Variants in LPIN2 observed in about 807,000 individuals in gnomAD.
LPIN2 encodes the protein phosphatidate phosphatase LPIN2.
A neutral mutation model predicts 111.4 loss-of-function variants in LPIN2; 55 were observed. The ratio of observed to expected loss-of-function variants is 0.49; its 90% CI spans 0.40 to 0.62. The LOEUF is 0.62. Ranked by LOEUF, LPIN2 falls within the 20% of genes least tolerant of loss-of-function variation. The probability of loss-of-function intolerance (pLI) is 0.00; values close to 1 mark genes in which losing one functional copy is unlikely to be tolerated. For missense variants in LPIN2, 992 were observed against 1,112.1 expected (o/e 0.89, Z 1.54); for synonymous variants, 425 against 414.0 (o/e 1.03, Z -0.32).
Position 3,001,163 on chromosome 18 carries a change from C to T in LPIN2, c.-10+11924G>A, listed in dbSNP as rs147838184. Among the ~76,000 whole-genome samples the T allele has an allele frequency of 2.0e-5, 3 of 152,256 alleles. No homozygotes were observed. In the East Asian group the frequency reaches 5.8e-4, roughly 29 times the overall value. ...ACGTAAGCTCTCAAAGAATTTCCTC[C>T]CTGTAAACCCTTTCTCAAAAAGCTG... On this transcript the variant is annotated intron_variant, in intron 1 of 19. Transcript: ENST00000677752.
At chr18:3,002,235 C>CAAA (rs1567864429) in intron 1 of LPIN2, among the ~76,000 whole-genome samples, 2 of 33,676 alleles carry the variant, frequency 5.9e-5, no homozygotes, top group African/African-American at 1.3e-4. Context: ...CTTCAAAAGA[C>CAAA]CAAAAAAAAA....
chr18:3,012,207 C>A (rs981781158), intron 1 of LPIN2, among the ~76,000 whole-genome samples: 1 of 152,080 alleles, frequency 6.6e-6, no homozygotes, highest in Non-Finnish European at 1.5e-5. Flanking sequence ...GGGTAAGCCC[C>A]AAATGTGCAT....
At chr18:2,936,254 G>A (rs2077282975) in intron 7 of LPIN2, among the ~76,000 whole-genome samples, 1 of 152,162 alleles carries the variant, frequency 6.6e-6, no homozygotes, top group Non-Finnish European at 1.5e-5. Flanking sequence ...TATATATGAT[G>A]TTGGGTAATT....
In LPIN2 at chr18:2,925,109, C is replaced by G; in HGVS notation, c.1938+115G>C. ...CCACTGTGGATAGGCATTGACACGA[C>G]CATGCCGTGTGGCGTGTATGCAGCT... On this transcript the variant is annotated intron_variant, in intron 14 of 19. Transcript: ENST00000677752. This position sits in a 1 kb window ranked among gnomAD's most constrained non-coding sequence, Gnocchi z 4.1. 1 of 1,364,122 alleles carries G rather than the reference C, an allele frequency of 7.3e-7. No individual in the cohort carries two copies. Among genetic ancestry groups the G allele is most frequent in the South Asian group, 1.2e-5 (1 of 83,664 alleles). The allele number at this position is 1,364,122 out of a possible 1,614,324, so 84.5% of individuals were successfully genotyped here.
chr18:2,964,175 T>C (rs934724142), intron 1 of LPIN2, among the ~76,000 whole-genome samples: 1 of 141,750 alleles, frequency 7.1e-6, no homozygotes, highest in Non-Finnish European at 1.5e-5. Flanking sequence ...CCCAGCTACT[T>C]GGGAGGCTGA....
At chr18:2,964,581 G>A (rs1268020671) in intron 1 of LPIN2, among the ~76,000 whole-genome samples, 2 of 151,594 alleles carry the variant, frequency 1.3e-5, no homozygotes, top group Non-Finnish European at 2.9e-5. Context: ...GAGCCCAATC[G>A]GCTGGCACTT....
intron 1 of LPIN2, among the ~76,000 whole-genome samples, chr18:2,984,024 C>T (rs146723134): frequency 6.6e-6 from 1 of 152,334 alleles, no homozygotes; most frequent in African/African-American, 2.4e-5. Flanking sequence ...AATATACTAG[C>T]TGATCCACAT....
chr18:2,962,176 C>T (rs917067767), intron 1 of LPIN2, among the ~76,000 whole-genome samples: 2 of 152,134 alleles, frequency 1.3e-5, no homozygotes, highest in Admixed American at 6.5e-5. Flanking sequence ...TTCCTACACG[C>T]GGATGAATGT....
Position 2,928,671 on chromosome 18 carries a change from CA to C in LPIN2, c.1551-12del. The stretch of plus-strand genomic sequence containing the variant: ...GCCCAGTTATAGTAACTGTGAGAAA[CA>C]AAAATTGTGCAAAACCATTACACAG... On this transcript the variant is annotated splice_polypyrimidine_tract_variant and intron_variant, in intron 10 of 19. Transcript: ENST00000677752. 1 of 1,574,486 alleles carries C rather than the reference CA, an allele frequency of 6.4e-7. No homozygotes were observed. Among genetic ancestry groups the C allele is most frequent in the Non-Finnish European group, 8.7e-7 (1 of 1,154,540 alleles).
chr18:2,955,275 A>C (rs763612972), intron 2 of LPIN2, among the ~76,000 whole-genome samples: 7 of 152,200 alleles, frequency 4.6e-5, no homozygotes, highest in Non-Finnish European at 1.0e-4. Flanking sequence ...CTGTACAAGC[A>C]CGGCGTTGGC....
chr18:2,975,334 A>C (rs2077993455), intron 1 of LPIN2, among the ~76,000 whole-genome samples: 1 of 152,124 alleles, frequency 6.6e-6, no homozygotes, highest in South Asian at 2.1e-4. Flanking sequence ...TACATGAAAA[A>C]TCTTAAGCCT....
intron 8 of LPIN2, among the ~76,000 whole-genome samples, chr18:2,932,674 G>C (rs1170891057): frequency 6.6e-6 from 1 of 152,190 alleles, no homozygotes; most frequent in Non-Finnish European, 1.5e-5. Flanking sequence ...AGTCAGGTGG[G>C]GCCACGTGAG....
At chr18:2,920,561 G>A (rs1407172371) in intron 19 of LPIN2, 124 bp from the exon 20 acceptor site, 2 of 1,048,820 alleles carry the variant, frequency 1.9e-6, no homozygotes, top group South Asian at 1.3e-5. Context: ...GCAGGCCTCA[G>A]TCCCATCACA....
chr18:2,920,495 C>A lies in LPIN2; in HGVS notation c.2547-58G>T, dbSNP rs545857133. 179 of 1,583,656 alleles carry A rather than the reference C, an allele frequency of 1.1e-4. No individual in the cohort carries two copies. In the South Asian group the frequency reaches 1.9e-3, roughly 17 times the overall value. ...ATTACTTCAAGATCGGTCAAAGGCA[C>A]AAGATGGGGGGCTGTGAAGCTGTCA... On this transcript the variant is annotated intron_variant, in intron 19 of 19. Coordinates refer to ENST00000677752, the MANE Select transcript of LPIN2 (RefSeq NM_001375808.2).
rs2076999278 is a variant in LPIN2 at position 2,918,317 on chromosome 18, G to C, written c.*1976C>G. The stretch of plus-strand genomic sequence containing the variant: ...ACTCTTTAAAGGACAACCTAAAAAG[G>C]ATTAAAGATGTATATTAAGATTTTT... On this transcript the variant is annotated 3_prime_UTR_variant, in exon 20 of 20. Transcript: ENST00000677752. The C allele has an allele frequency of 6.6e-6, 1 of 152,140 alleles. No individual in the cohort carries two copies. The highest frequency in any genetic ancestry group is 1.5e-5 in the Non-Finnish European group (1 of 68,020). The allele number at this position is 152,140 out of a possible 1,614,324, so 9.4% of individuals were successfully genotyped here.
Position 2,970,168 on chromosome 18 carries a change from A to G in LPIN2, c.-9-9319T>C, listed in dbSNP as rs140687205. 2.8e-3 allele frequency among the ~76,000 whole-genome samples: 419 copies of G among 152,330 alleles called. 1 individual carries two copies. The highest frequency in any genetic ancestry group is 9.4e-3 in the African/African-American group (391 of 41,578). On this transcript the variant is annotated intron_variant, in intron 1 of 19. Transcript: ENST00000677752. Reference sequence around the variant, plus strand: ...GTAAGAAGAGGGGATTTTCTGATTCAATATTTCTGTTTGGGAATTTAAACA... The same window carrying G: ...GTAAGAAGAGGGGATTTTCTGATTCGATATTTCTGTTTGGGAATTTAAACA...
At chr18:2,953,976 A>C (rs1405992254) in intron 3 of LPIN2, among the ~76,000 whole-genome samples, 1 of 152,214 alleles carries the variant, frequency 6.6e-6, no homozygotes, top group Admixed American at 6.5e-5. Context: ...TGCTAGAAGA[A>C]GTCAAACATG....
chr18:2,947,122 G>A (rs544084732), intron 4 of LPIN2, among the ~76,000 whole-genome samples: 2 of 152,298 alleles, frequency 1.3e-5, no homozygotes, highest in South Asian at 2.1e-4. Flanking sequence ...CCTGGATTTA[G>A]CTCCCAGATA....
At chr18:2,950,560 A>G (rs1036755608) in intron 4 of LPIN2, 1 of 167,348 alleles carries the variant, frequency 6.0e-6, no homozygotes, top group Non-Finnish European at 1.3e-5. Flanking sequence ...CGGTGCTGAC[A>G]TGAAAAATGG....
Sources: gnomAD v4.1 joint callset for allele counts (sites outside exome capture counted in the v4.1 genomes callset) on GRCh38, gnomAD v4.1.1 for gene constraint, Gnocchi (gnomAD v3.1) non-coding constraint, MANE v1.5 for transcripts, NCBI Gene and HGNC (gene_info 2026-07-23, HGNC 2026-07-21) for gene names.